The following MED30 variants were observed in gnomAD, a reference collection of about 807,000 sequenced individuals.
MED30 encodes mediator complex subunit 30, also known as mediator of RNA polymerase II transcription subunit 30.
Under a neutral mutation model 21.7 loss-of-function variants are expected in MED30, and 8 were observed. That is an observed-to-expected ratio of 0.37 (90% CI 0.22 to 0.67). The LOEUF is 0.67. Among genes scored for constraint, MED30 ranks in the 30% least tolerant of loss-of-function variants. MED30 has a pLI of 0.58. For missense variants in MED30, 203 were observed against 228.2 expected, an observed-to-expected ratio of 0.89 and a Z score of 0.71; for synonymous variants, 79 against 86.7, an observed-to-expected ratio of 0.91 and a Z score of 0.49.
chr8:117,523,439 C>G (rs1422733631), intron 1 of MED30: 2 of 1,572,766 alleles, frequency 1.3e-6, no homozygotes, highest in South Asian at 2.2e-5. Flanking sequence ...CCCTCCAGAC[C>G]TTTAGGCTGA....
At chr8:117,526,202 G>T (rs1373010790) in intron 1 of MED30, among the ~76,000 whole-genome samples, 1 of 151,938 alleles carries the variant, frequency 6.6e-6, no homozygotes, top group African/African-American at 2.4e-5. Context: ...CTTCCTTATT[G>T]AATTCTTTTA....
chr8:117,534,225 G>T (rs1188546352), intron 3 of MED30, among the ~76,000 whole-genome samples: 1 of 151,938 alleles, frequency 6.6e-6, no homozygotes, highest in African/African-American at 2.4e-5. Flanking sequence ...CTGAGTCACT[G>T]ACCACTCCCT....
chr8:117,525,290 A>G (rs1818701501), intron 1 of MED30, among the ~76,000 whole-genome samples: 1 of 149,830 alleles, frequency 6.7e-6, no homozygotes, highest in South Asian at 2.1e-4. Flanking sequence ...TTAATTATTT[A>G]TATTTTTTTC....
intron 3 of MED30, among the ~76,000 whole-genome samples, chr8:117,537,427 T>G (rs1818897741): frequency 6.6e-6 from 1 of 152,238 alleles, no homozygotes; most frequent in African/African-American, 2.4e-5. Context: ...TCAGCTTTGC[T>G]GTTGATCATT....
chr8:117,538,651 T>C (rs28433377), intron 3 of MED30, among the ~76,000 whole-genome samples: 38,602 of 152,108 alleles, frequency 0.25, 5,276 homozygotes, highest in Middle Eastern at 0.37. Flanking sequence ...ATTATTGTTA[T>C]TATAACTAGT....
At chr8:117,533,205 C>T (rs897647037) in intron 3 of MED30, among the ~76,000 whole-genome samples, 20 of 151,352 alleles carry the variant, frequency 1.3e-4, no homozygotes, top group African/African-American at 4.6e-4. Context: ...TCTCTTTTTT[C>T]CCAATTTGAT....
intron 3 of MED30, among the ~76,000 whole-genome samples, chr8:117,536,280 G>C (rs1818876584): frequency 2.6e-5 from 4 of 152,108 alleles, no homozygotes; most frequent in Non-Finnish European, 5.9e-5. Context: ...AGAAACAAAA[G>C]TATTGTGCCA....
rs755972981 is a variant in MED30 at position 117,530,769 on chromosome 8, G to A, written c.383G>A (p.Arg128Gln). ...VEEDGSKNDD[R>Q]AGPPRFASEE... The stretch of plus-strand genomic sequence containing the variant: ...GAAGATGGCTCAAAGAATGATGATC[G>A]GGCTGGCCCACCTCGTTTTGCTAGT... Residue 128 changes from arginine to glutamine, a missense_variant, in exon 3 of 4, where the codon CGG becomes CAG. Coordinates refer to ENST00000297347, the MANE Select transcript of MED30 (RefSeq NM_080651.4). 8.7e-6 allele frequency: 14 copies of A among 1,611,928 alleles called. No individual in the cohort carries two copies. The highest frequency in any genetic ancestry group is 6.7e-5 in the East Asian group (3 of 44,814).
intron 3 of MED30, among the ~76,000 whole-genome samples, chr8:117,533,562 A>C (rs905183677): frequency 6.6e-5 from 10 of 152,188 alleles, no homozygotes; most frequent in Non-Finnish European, 1.5e-4. Context: ...GCCGCATAGT[A>C]TACTAGGGTC....
At chr8:117,530,936 G>C (rs1818785070) in intron 3 of MED30, 109 bp downstream of exon 3, 1 of 774,416 alleles carries the variant, frequency 1.3e-6, no homozygotes, top group Middle Eastern at 2.5e-4. Context: ...ACATGAAGTT[G>C]TTTCTGCGGC....
Position 117,520,829 on chromosome 8 carries a change from C to T in MED30, c.-48C>T, listed in dbSNP as rs192712045. The T allele has an allele frequency of 2.2e-4, 331 of 1,509,214 alleles. 1 individual carries two copies. The East Asian group carries it at 4.5e-3, about 21-fold the overall frequency. 93.5% of individuals were successfully genotyped at this position (1,509,214 alleles called of 1,614,324 possible). Reference sequence around the variant, plus strand: ...CAGCCTCCCAATTCCGGGCAGACCCCTGACACCTGCTGTCTGGCCCCTTCC... The same window carrying T: ...CAGCCTCCCAATTCCGGGCAGACCCTTGACACCTGCTGTCTGGCCCCTTCC... On this transcript the variant is annotated 5_prime_UTR_variant, in exon 1 of 4. Coordinates refer to ENST00000297347, the MANE Select transcript of MED30 (RefSeq NM_080651.4).
chr8:117,523,382 A>G, intron 1 of MED30: 5 of 1,548,484 alleles, frequency 3.2e-6, no homozygotes, highest in Non-Finnish European at 4.4e-6. Flanking sequence ...CTCCGTCTGT[A>G]GGTATCTCTG....
chr8:117,531,125 A>G (rs1818786946), intron 3 of MED30, among the ~76,000 whole-genome samples: 1 of 152,048 alleles, frequency 6.6e-6, no homozygotes, highest in Admixed American at 6.6e-5. Flanking sequence ...TTTCTAGCTT[A>G]TAGCATATTT....
At chr8:117,524,705 C>T (rs1171949688) in intron 1 of MED30, among the ~76,000 whole-genome samples, 2 of 152,268 alleles carry the variant, frequency 1.3e-5, no homozygotes, top group East Asian at 1.9e-4. Flanking sequence ...ATACTATGTA[C>T]CTAACTCCTC....
chr8:117,533,189 TAA>T (rs762811268), intron 3 of MED30, among the ~76,000 whole-genome samples: 37 of 152,040 alleles, frequency 2.4e-4, no homozygotes, highest in African/African-American at 6.0e-4. Flanking sequence ...CAATTTTCAT[TAA>T]GTTTCTCTTT....
chr8:117,530,141 A>G (rs1818773967), intron 2 of MED30, among the ~76,000 whole-genome samples: 1 of 152,132 alleles, frequency 6.6e-6, no homozygotes, highest in African/African-American at 2.4e-5. Context: ...ATTGCTATAT[A>G]AATTTGTTTC....
In MED30 at chr8:117,530,733, C is replaced by T. The variant is rs1439102801; in HGVS notation, c.347C>T (p.Pro116Leu). The change falls in exon 3 of 4, where the codon CCA (proline) becomes CTA (leucine). Residue 116 changes from proline (P) to leucine (L), a missense_variant. Pro to Leu is a moderately conservative substitution (Grantham distance 98). Coordinates refer to ENST00000297347, the MANE Select transcript of MED30 (RefSeq NM_080651.4). ...MDPIPVEQLI[P>L]YVEEDGSKND... ...GTTAATCATTCCCAGCAACTTATTC[C>T]ATATGTGGAAGAAGATGGCTCAAAG... 6.2e-7 allele frequency: 1 copy of T among 1,608,216 alleles called. No individual in the cohort carries two copies. The highest frequency in any genetic ancestry group is 8.5e-7 in the Non-Finnish European group (1 of 1,176,834).
intron 3 of MED30, among the ~76,000 whole-genome samples, chr8:117,538,068 A>G (rs1818911750): frequency 2.0e-5 from 3 of 152,176 alleles, no homozygotes; most frequent in Admixed American, 2.0e-4. Flanking sequence ...AAGACTTTAT[A>G]GGCTTGGTTA....
In MED30 at chr8:117,528,631, T is replaced by G; in HGVS notation, c.178-20T>G. On this transcript the variant is annotated intron_variant, in intron 1 of 3. Coordinates refer to ENST00000297347, the MANE Select transcript of MED30 (RefSeq NM_080651.4). The stretch of plus-strand genomic sequence containing the variant: ...TTTTTTCATTACTTGATATTTTTAT[T>G]CTTTGTTTTTCCTGATAAGCTGCCA... 1 of 1,542,840 alleles carries G rather than the reference T, an allele frequency of 6.5e-7. No homozygotes were observed. The highest frequency in any genetic ancestry group is 8.7e-7 in the Non-Finnish European group (1 of 1,148,410).
Sources: gnomAD v4.1 joint callset for allele counts (sites outside exome capture counted in the v4.1 genomes callset) on GRCh38, gnomAD v4.1.1 for gene constraint, MANE v1.5 for transcripts, NCBI Gene and HGNC (gene_info 2026-07-23, HGNC 2026-07-21) for gene names.